Variants in ANKRD27 observed in about 807,000 individuals in gnomAD.
The protein encoded by ANKRD27 is ankyrin repeat domain 27.
ANKRD27 carries 112 observed loss-of-function variants against 129.7 expected under a neutral mutation model. The ratio of observed to expected loss-of-function variants is 0.86; its 90% CI spans 0.74 to 1.01. The LOEUF (loss-of-function observed/expected upper bound fraction) is 1.01. ANKRD27 is among the 50% of genes least tolerant of loss of function. The pLI is 0.00. For synonymous variants in ANKRD27, 516 were observed against 511.2 expected, an observed-to-expected ratio of 1.01 and a Z score of -0.13; for missense variants, 1,258 against 1,300.5, an observed-to-expected ratio of 0.97 and a Z score of 0.50.
At chr19:32,611,074 C>G (rs1568398531) in intron 22 of ANKRD27, among the ~76,000 whole-genome samples, 1 of 152,032 alleles carries the variant, frequency 6.6e-6, no homozygotes. Flanking sequence ...AGACATGAAG[C>G]AGTTTAGTGG....
In ANKRD27 at chr19:32,652,443, A is replaced by G. The variant is rs181298657; in HGVS notation, c.103-2651T>C. ...CGTCTCTACTACTAAAAATACAAAA[A>G]TTAGCCAGGCGCGGTGGCAACCGCT... On this transcript the variant is annotated intron_variant, in intron 2 of 28. Coordinates refer to ENST00000306065, the MANE Select transcript of ANKRD27 (RefSeq NM_032139.3). 6.2e-4 allele frequency among the ~76,000 whole-genome samples: 94 copies of G among 152,048 alleles called. 2 individuals carry two copies. The East Asian group carries it at 0.015, about 24-fold the overall frequency.
chr19:32,668,850 T>G (rs1471416804), intron 1 of ANKRD27, among the ~76,000 whole-genome samples: 1 of 152,098 alleles, frequency 6.6e-6, no homozygotes, highest in East Asian at 1.9e-4. Context: ...TGTGAGCCAC[T>G]GCACCCAGCA....
chr19:32,642,227 T>C, intron 9 of ANKRD27, 82 bp from the exon 10 acceptor site: 2 of 1,324,346 alleles, frequency 1.5e-6, no homozygotes, highest in Admixed American at 5.2e-5. Context: ...CATCTCAGGA[T>C]CTACACTTCT....
intron 1 of ANKRD27, among the ~76,000 whole-genome samples, chr19:32,672,312 C>T (rs1444152448): frequency 6.6e-6 from 1 of 152,240 alleles, no homozygotes; most frequent in African/African-American, 2.4e-5. Flanking sequence ...TGTATGTATG[C>T]TGTTACAGTC....
At position 32,631,552 on chromosome 19, in the gene ANKRD27, G is replaced by A. The variant is rs912144011; in HGVS notation, c.1117-58C>T. The A allele has an allele frequency of 5.0e-6, 7 of 1,407,806 alleles. No homozygotes were observed. In the East Asian group the frequency reaches 1.6e-4, roughly 32 times the overall value. The allele number at this position is 1,407,806 out of a possible 1,614,324, so 87.2% of individuals were successfully genotyped here. A position where few individuals can be genotyped will look rare whatever the true frequency, so the allele number is the denominator to read the frequency against. On this transcript the variant is annotated intron_variant, in intron 12 of 28. Transcript: ENST00000306065. The stretch of plus-strand genomic sequence containing the variant: ...GTCAGTGCAGATCCTTCAAAACCCA[G>A]CACCTCAGCAACAACCCCGGCTGTC...
chr19:32,640,627 T>C (rs528213868), intron 10 of ANKRD27, among the ~76,000 whole-genome samples: 1 of 152,152 alleles, frequency 6.6e-6, no homozygotes, highest in South Asian at 2.1e-4. Flanking sequence ...TCTAGCCAGA[T>C]ACGGCAGCAC....
At position 32,642,102 on chromosome 19, in the gene ANKRD27, T is replaced by G. The variant is rs748977518; in HGVS notation, c.826A>C (p.Lys276Gln). The G allele has an allele frequency of 6.2e-7, 1 of 1,610,716 alleles. No individual in the cohort carries two copies. Among genetic ancestry groups the G allele is most frequent in the Admixed American group, 1.7e-5 (1 of 59,612 alleles). Residue 276 changes from lysine to glutamine, a missense_variant, in exon 10 of 29, where the codon AAA becomes CAA. Lys to Gln is a moderately conservative substitution (Grantham distance 53). Coordinates refer to ENST00000306065, the MANE Select transcript of ANKRD27 (RefSeq NM_032139.3). The part of the protein sequence containing the change: ...RAKRELAQLN[K>Q]CTSPQQKLVC... ...AGCTTCTGCTGTGGGGAGGTGCATT[T>G]GTTCAGCTGAGCCAGCTCTCTTTTG...
chr19:32,656,289 G>A (rs1429019878), intron 2 of ANKRD27, among the ~76,000 whole-genome samples: 3 of 152,120 alleles, frequency 2.0e-5, no homozygotes, highest in African/African-American at 7.2e-5. Context: ...ATATGCACTT[G>A]TCTAGACAGT....
rs1257025806 is a variant in ANKRD27 at position 32,600,128 on chromosome 19, ATCTTTC to A, written c.2768-84_2768-79del. 3.7e-6 allele frequency: 4 copies of A among 1,086,376 alleles called. No homozygotes were observed. The Admixed American group carries it at 8.3e-5, about 23-fold the overall frequency. 67.3% of individuals were successfully genotyped at this position (1,086,376 alleles called of 1,614,324 possible). A position where few individuals can be genotyped will look rare whatever the true frequency, so the allele number is the denominator to read the frequency against. On this transcript the variant is annotated intron_variant, in intron 26 of 28. Coordinates refer to ENST00000306065, the MANE Select transcript of ANKRD27 (RefSeq NM_032139.3). ...ATTTTAAAATTACAGCACAGACACA[ATCTTTC>A]TATTCTCAGATTTACAAAATTTAGA...
At chr19:32,638,977 C>T (rs1967142534) in intron 12 of ANKRD27, 3 of 353,580 alleles carry the variant, frequency 8.5e-6, no homozygotes, top group Non-Finnish European at 1.0e-5. Context: ...AAGGAGCCAC[C>T]AGCCACAGAG....
chr19:32,643,932 T>G, intron 5 of ANKRD27: 1 of 494,466 alleles, frequency 2.0e-6, no homozygotes, highest in Non-Finnish European at 3.7e-6. Flanking sequence ...TAGAGTGCAG[T>G]GGTATGACTA....
At chr19:32,642,215 C>CG in intron 9 of ANKRD27, 70 bp from the exon 10 acceptor site, 3 of 1,417,746 alleles carry the variant, frequency 2.1e-6, no homozygotes, top group Non-Finnish European at 2.8e-6. Flanking sequence ...GATCTAAGAA[C>CG]ACATCTCAGG....
In ANKRD27 at chr19:32,598,262, G is replaced by T. The variant is rs1401055224; in HGVS notation, c.3036C>A (p.Gly1012=). The T allele has an allele frequency of 6.2e-7, 1 of 1,614,058 alleles. No individual in the cohort carries two copies. The highest frequency in any genetic ancestry group is 8.5e-7 in the Non-Finnish European group (1 of 1,180,044). Residue 1012 remains glycine (G), a synonymous_variant, in exon 29 of 29, where the codon GGC becomes GGA. Transcript: ENST00000306065. ...WPERPGLTQT[G]PGHRRMLRRH... ...TCCGCAGCATCCGTCTGTGTCCAGG[G>T]CCAGTCTGTGTCAGTCCAGGCCTCT...
chr19:32,633,047 G>A (rs1967026566), intron 12 of ANKRD27, among the ~76,000 whole-genome samples: 1 of 152,152 alleles, frequency 6.6e-6, no homozygotes, highest in South Asian at 2.1e-4. Context: ...TCACAGCTGA[G>A]GAGCTTAGGG....
At chr19:32,662,473 A>G (rs1358477925) in intron 1 of ANKRD27, among the ~76,000 whole-genome samples, 1 of 152,010 alleles carries the variant, frequency 6.6e-6, no homozygotes, top group Admixed American at 6.6e-5. Flanking sequence ...ACAATGGCTC[A>G]CTCCTGTAAT....
intron 26 of ANKRD27, among the ~76,000 whole-genome samples, chr19:32,600,563 G>A (rs1971637116): frequency 6.6e-6 from 1 of 152,046 alleles, no homozygotes; most frequent in Non-Finnish European, 1.5e-5. Context: ...CAAAATCCGA[G>A]ACATTTTGAA....
chr19:32,651,572 G>A (rs1170509085), intron 2 of ANKRD27, among the ~76,000 whole-genome samples: 2 of 151,978 alleles, frequency 1.3e-5, no homozygotes, highest in Admixed American at 6.6e-5. Flanking sequence ...GGGTTTCACC[G>A]TGTTCACCAG....
intron 9 of ANKRD27, among the ~76,000 whole-genome samples, chr19:32,642,466 G>A (rs1008610416): frequency 1.3e-5 from 2 of 152,136 alleles, no homozygotes; most frequent in Non-Finnish European, 2.9e-5. Context: ...TAGGCTCGGC[G>A]CAGTGGCTCA....
At chr19:32,640,698 C>G (rs1018284662) in intron 10 of ANKRD27, among the ~76,000 whole-genome samples, 3 of 152,066 alleles carry the variant, frequency 2.0e-5, no homozygotes, top group African/African-American at 7.2e-5. Context: ...GGCCAGGAGT[C>G]TGAGGCCAGC....
Sources: gnomAD v4.1 joint callset for allele counts (sites outside exome capture counted in the v4.1 genomes callset) on GRCh38, gnomAD v4.1.1 for gene constraint, MANE v1.5 for transcripts, NCBI Gene and HGNC (gene_info 2026-07-23, HGNC 2026-07-21) for gene names.